Variants in NRG1 observed in about 807,000 individuals in gnomAD.
The protein encoded by NRG1 is neuregulin 1, also known as pro-neuregulin-1, membrane-bound isoform.
NRG1 carries 18 observed loss-of-function variants against 63.8 expected under a neutral mutation model. The ratio of observed to expected loss-of-function variants is 0.28; its 90% CI spans 0.19 to 0.42. The LOEUF is 0.42. Among genes scored for constraint, NRG1 ranks in the 10% least tolerant of loss-of-function variants. The pLI, the probability that NRG1 is intolerant of heterozygous loss-of-function variation, is 1.00. For missense variants in NRG1, 762 were observed against 814.7 expected, an observed-to-expected ratio of 0.94 and a Z score of 0.79; for synonymous variants, 302 against 301.3, an observed-to-expected ratio of 1.00 and a Z score of -0.02.
intron 1 of NRG1, among the ~76,000 whole-genome samples, chr8:32,426,481 A>G (rs1271630117): frequency 2.6e-5 from 4 of 152,238 alleles, no homozygotes; most frequent in Non-Finnish European, 5.9e-5. Context: ...TATGTCCAGA[A>G]TATAGGACTT....
In NRG1 at chr8:32,756,533, C is replaced by T. The variant is rs763659484; in HGVS notation, c.921+4C>T. On this transcript the variant is annotated splice_donor_region_variant and intron_variant, in intron 9 of 11. Coordinates refer to ENST00000356819, the Ensembl canonical transcript of NRG1. The stretch of plus-strand genomic sequence containing the variant: ...CGAGAATGTCCAGCTGGTGAATGTA[C>T]GTTGACTCTGGCCAGTGGAAAAAAC... The T allele has an allele frequency of 5.5e-5, 89 of 1,609,018 alleles. 1 individual carries two copies. In the Middle Eastern group the frequency reaches 6.7e-4, roughly 12 times the overall value.
At chr8:31,739,925 TAA>T (rs1052567189) in intron 1 of NRG1, among the ~76,000 whole-genome samples, 4 of 152,044 alleles carry the variant, frequency 2.6e-5, no homozygotes, top group Non-Finnish European at 5.9e-5. Flanking sequence ...CAGTTCAAAA[TAA>T]AAAGACACAG....
chr8:32,529,645 T>C (rs888687166), intron 1 of NRG1, among the ~76,000 whole-genome samples: 2 of 152,164 alleles, frequency 1.3e-5, no homozygotes, highest in African/African-American at 4.8e-5. Context: ...TTTAAACATT[T>C]TTGTTAAAAG....
intron 1 of NRG1, among the ~76,000 whole-genome samples, chr8:32,474,959 A>G (rs894331005): frequency 6.6e-6 from 1 of 152,170 alleles, no homozygotes; most frequent in Non-Finnish European, 1.5e-5. Flanking sequence ...ATTGCTCTCT[A>G]GGAGAATGGA....
At chr8:32,458,840 A>G (rs767766691) in intron 1 of NRG1, among the ~76,000 whole-genome samples, 1 of 152,178 alleles carries the variant, frequency 6.6e-6, no homozygotes, top group East Asian at 1.9e-4. Flanking sequence ...GGAGAGGATC[A>G]CCAGATCTTA....
intron 1 of NRG1, among the ~76,000 whole-genome samples, chr8:31,872,851 A>G (rs1347061195): frequency 1.3e-5 from 2 of 152,252 alleles, no homozygotes; most frequent in African/African-American, 4.8e-5. Context: ...ATTTTCAAAT[A>G]CATCCAAGTA....
At chr8:32,106,578 A>G (rs1831289282) in intron 1 of NRG1, among the ~76,000 whole-genome samples, 1 of 152,172 alleles carries the variant, frequency 6.6e-6, no homozygotes, top group Non-Finnish European at 1.5e-5. Flanking sequence ...CTCATAAAAT[A>G]TGTGTTGTCC....
intron 6 of NRG1, among the ~76,000 whole-genome samples, chr8:32,737,253 G>T (rs1010803873): frequency 6.6e-6 from 1 of 152,096 alleles, no homozygotes; most frequent in African/African-American, 2.4e-5. Flanking sequence ...GGGAATTTCT[G>T]TAAAAATTAT....
downstream of NRG1, among the ~76,000 whole-genome samples, chr8:32,771,522 A>G (rs1173598762): frequency 3.6e-4 from 55 of 150,730 alleles, no homozygotes; most frequent in Admixed American, 3.4e-3. Flanking sequence ...TTATTACATT[A>G]GTGTTTTATT....
rs112008161 is a variant in NRG1, at chr8:31,644,679, C to T, written c.37+5248C>T. Among the ~76,000 whole-genome samples, 1,511 of 152,094 alleles carry T rather than the reference C, an allele frequency of 9.9e-3. 26 individuals carry two copies. The highest frequency in any genetic ancestry group is 0.034 in the African/African-American group (1,414 of 41,518). On this transcript the variant is annotated intron_variant, in intron 1 of 10. Transcript: ENST00000519301. ...GTCAAATATAATCTATTCATTCTTC[C>T]GGAAATCTCCTTTGCTTCGATACCT...
At chr8:31,691,730 G>A (rs1809547528) in intron 1 of NRG1, among the ~76,000 whole-genome samples, 1 of 150,394 alleles carries the variant, frequency 6.6e-6, no homozygotes, top group South Asian at 2.1e-4. Flanking sequence ...TAATCTTCAT[G>A]ATGCTTAATG....
intron 1 of NRG1, among the ~76,000 whole-genome samples, chr8:32,095,283 A>G (rs576518720): frequency 6.6e-6 from 1 of 152,322 alleles, no homozygotes; most frequent in Non-Finnish European, 1.5e-5. Flanking sequence ...GAGACTGTGT[A>G]GGTGGGATTG....
At chr8:31,789,063 C>T (rs1381670030) in intron 1 of NRG1, among the ~76,000 whole-genome samples, 2 of 152,212 alleles carry the variant, frequency 1.3e-5, no homozygotes, top group East Asian at 3.9e-4. Flanking sequence ...ACCTAGGAAT[C>T]AAGAAATTTT....
chr8:32,651,818 A>G (rs907082058), intron 5 of NRG1, among the ~76,000 whole-genome samples: 1 of 152,126 alleles, frequency 6.6e-6, no homozygotes, highest in African/African-American at 2.4e-5. Context: ...TCCTTCTTCT[A>G]GTTCTTGGTA....
At chr8:32,625,875 C>T (rs1022896985) in intron 5 of NRG1, among the ~76,000 whole-genome samples, 5 of 149,360 alleles carry the variant, frequency 3.3e-5, no homozygotes, top group Admixed American at 2.7e-4. Context: ...CTCACTGCAA[C>T]CTCGGCCTCC....
intron 1 of NRG1, among the ~76,000 whole-genome samples, chr8:32,421,546 G>A (rs766031563): frequency 9.9e-5 from 15 of 152,162 alleles, no homozygotes; most frequent in South Asian, 4.1e-4. Context: ...GGCTATTACC[G>A]TTCCAAGACG....
chr8:32,712,688 G>C (rs2128985852), intron 5 of NRG1, among the ~76,000 whole-genome samples: 1 of 152,094 alleles, frequency 6.6e-6, no homozygotes, highest in Non-Finnish European at 1.5e-5. Flanking sequence ...TGTCCTTTTT[G>C]TTATTTTGAT....
Position 31,850,593 on chromosome 8 carries a change from C to A in NRG1, c.37+211162C>A, listed in dbSNP as rs545216011. Among the ~76,000 whole-genome samples the A allele has an allele frequency of 2.6e-5, 4 of 152,266 alleles. No homozygotes were observed. The South Asian group carries it at 8.3e-4, about 32-fold the overall frequency. ...TGATCCCTTTTTCTTGCCTGTCCTCCCTGCCTGCTCACTTGCTTTCTGGCC... is the reference window on the plus strand; with the variant it reads ...TGATCCCTTTTTCTTGCCTGTCCTCACTGCCTGCTCACTTGCTTTCTGGCC... On this transcript the variant is annotated intron_variant, in intron 1 of 10. Transcript: ENST00000519301.
chr8:32,345,628 A>C (rs1007428558), intron 1 of NRG1, among the ~76,000 whole-genome samples: 1 of 152,184 alleles, frequency 6.6e-6, no homozygotes, highest in African/African-American at 2.4e-5. Context: ...GAGTAGTTTT[A>C]CATTTGAAGT....
Sources: allele counts gnomAD v4.1 joint callset (sites outside exome capture counted in the v4.1 genomes callset), GRCh38; gene constraint gnomAD v4.1.1; transcripts MANE v1.5; gene names NCBI Gene and HGNC (gene_info 2026-07-23, HGNC 2026-07-21).